Variants in UVRAG observed in about 807,000 individuals in gnomAD.
The protein encoded by UVRAG is UV radiation resistance-associated gene protein.
Under a neutral mutation model 78.0 loss-of-function variants are expected in UVRAG, and 19 were observed. The observed-to-expected ratio is 0.24, with a 90% confidence interval of 0.17 to 0.36. The LOEUF (loss-of-function observed/expected upper bound fraction) is 0.36. Ranked by LOEUF, UVRAG falls within the 10% of genes least tolerant of loss-of-function variation. The pLI is 1.00. For missense variants in UVRAG, 740 were observed against 853.8 expected (o/e 0.87, Z 1.66); for synonymous variants, 323 against 324.6 (o/e 1.00, Z 0.05).
intron 3 of UVRAG, among the ~76,000 whole-genome samples, chr11:75,867,095 G>A (rs1337592216): frequency 2.6e-5 from 4 of 152,144 alleles, no homozygotes; most frequent in African/African-American, 7.2e-5. Context: ...ACAGATATTT[G>A]CTTCTCTAAT....
chr11:76,069,170 A>G (rs1951253848), intron 13 of UVRAG, among the ~76,000 whole-genome samples: 1 of 152,232 alleles, frequency 6.6e-6, no homozygotes, highest in South Asian at 2.1e-4. Flanking sequence ...GGATCAGTCC[A>G]GCCCAAGTTT....
chr11:75,968,992 A>G (rs921754920), intron 7 of UVRAG, among the ~76,000 whole-genome samples: 3 of 152,144 alleles, frequency 2.0e-5, no homozygotes, highest in Non-Finnish European at 2.9e-5. Context: ...TTTTGTGGTA[A>G]AATACATATA....
chr11:76,143,441 G>A lies in UVRAG; in HGVS notation c.*2028G>A, dbSNP rs979566474. Among the ~76,000 whole-genome samples, 3 of 152,200 alleles carry A rather than the reference G, an allele frequency of 2.0e-5. No individual in the cohort carries two copies. Among genetic ancestry groups the A allele is most frequent in the Non-Finnish European group, 2.9e-5 (2 of 68,042 alleles). Reference sequence around the variant, plus strand: ...GGTCTACCCGTCAGTGCCCCCCACCGCTGTGCAGACTCCCTGGTTGATCCT... The same window carrying A: ...GGTCTACCCGTCAGTGCCCCCCACCACTGTGCAGACTCCCTGGTTGATCCT... On this transcript the variant is annotated 3_prime_UTR_variant, in exon 15 of 15. Coordinates refer to ENST00000356136, the MANE Select transcript of UVRAG (RefSeq NM_003369.4).
chr11:76,123,392 C>T (rs1339623782), intron 14 of UVRAG, among the ~76,000 whole-genome samples: 1 of 152,142 alleles, frequency 6.6e-6, no homozygotes, highest in East Asian at 1.9e-4. Flanking sequence ...CACGTTTCAA[C>T]TTCATTGGTT....
At chr11:75,908,329 C>T (rs1947662203) in intron 5 of UVRAG, among the ~76,000 whole-genome samples, 1 of 152,136 alleles carries the variant, frequency 6.6e-6, no homozygotes, top group South Asian at 2.1e-4. Context: ...TGTCTGTGGA[C>T]ACTTGGGTTG....
At chr11:75,912,079 T>C in intron 6 of UVRAG, 40 bp downstream of exon 6, 1 of 1,415,226 alleles carries the variant, frequency 7.1e-7, no homozygotes, top group South Asian at 1.2e-5. Context: ...CTAAAGAATC[T>C]TTCTCATTTT....
rs145200567 is a variant in UVRAG at position 75,879,557 on chromosome 11, G to GA, written c.271-321dup. On this transcript the variant is annotated intron_variant, in intron 3 of 14. Transcript: ENST00000356136. Reference sequence around the variant, plus strand: ...TCCAACAGTAAGTTGGAGCCTCTTTGAGGGCATTGTTTATGTGTTGGCTGT... The same window carrying GA: ...TCCAACAGTAAGTTGGAGCCTCTTTGAAGGGCATTGTTTATGTGTTGGCTGT... Among the ~76,000 whole-genome samples the GA allele has an allele frequency of 5.0e-3, 759 of 152,318 alleles. 6 individuals carry two copies. The highest frequency in any genetic ancestry group is 0.017 in the African/African-American group (715 of 41,558).
chr11:75,818,128 T>A (rs538144911), intron 1 of UVRAG, among the ~76,000 whole-genome samples: 2 of 151,920 alleles, frequency 1.3e-5, no homozygotes, highest in East Asian at 3.9e-4. Context: ...ATCCTGGAAG[T>A]CCTCCTATGT....
chr11:75,937,047 A>G (rs1211132438), intron 6 of UVRAG, among the ~76,000 whole-genome samples: 1 of 152,178 alleles, frequency 6.6e-6, no homozygotes, highest in Non-Finnish European at 1.5e-5. Context: ...GCTCCAGTTA[A>G]TTAACTTTTA....
chr11:75,815,248 G>T lies in UVRAG; in HGVS notation c.-160G>T, dbSNP rs564606382. 12 of 450,928 alleles carry T rather than the reference G, an allele frequency of 2.7e-5. No individual in the cohort carries two copies. The highest frequency in any genetic ancestry group is 1.6e-4 in the African/African-American group (8 of 48,628). The allele number at this position is 450,928 out of a possible 1,614,324, so 27.9% of individuals were successfully genotyped here. ...TTCCTTAGCCAGCGGCGGCAACGGCGGCAGCGGCGGCAGCGGCGGCGGCTA... is the reference window on the plus strand; with the variant it reads ...TTCCTTAGCCAGCGGCGGCAACGGCTGCAGCGGCGGCAGCGGCGGCGGCTA... On this transcript the variant is annotated 5_prime_UTR_variant, in exon 1 of 15. Coordinates refer to ENST00000356136, the MANE Select transcript of UVRAG (RefSeq NM_003369.4).
intron 12 of UVRAG, among the ~76,000 whole-genome samples, chr11:76,036,984 T>C (rs1257584214): frequency 6.6e-6 from 1 of 152,198 alleles, no homozygotes; most frequent in Non-Finnish European, 1.5e-5. Flanking sequence ...ACAAATTCTT[T>C]AATTATATTT....
At chr11:76,098,351 C>T (rs1286525749) in intron 13 of UVRAG, among the ~76,000 whole-genome samples, 2 of 152,096 alleles carry the variant, frequency 1.3e-5, no homozygotes, top group Non-Finnish European at 2.9e-5. Context: ...ATAATTCTGT[C>T]AAGCAGGTGT....
At chr11:76,121,255 G>C (rs371595547) in intron 14 of UVRAG, among the ~76,000 whole-genome samples, 44 of 152,242 alleles carry the variant, frequency 2.9e-4, no homozygotes, top group African/African-American at 1.0e-3. Flanking sequence ...GTTGCACAGG[G>C]CACAGCTCTC....
At chr11:76,074,238 C>T (rs1036924795) in intron 13 of UVRAG, among the ~76,000 whole-genome samples, 3 of 152,164 alleles carry the variant, frequency 2.0e-5, no homozygotes, top group African/African-American at 7.2e-5. Context: ...TGAGACTAAA[C>T]TTTTGAGAAC....
chr11:75,899,319 T>A (rs1947431454), intron 5 of UVRAG, among the ~76,000 whole-genome samples: 4 of 152,166 alleles, frequency 2.6e-5, no homozygotes, highest in Non-Finnish European at 5.9e-5. Context: ...ATTTTATTTT[T>A]AAATATTTCT....
At chr11:76,116,151 G>A (rs1315900759) in intron 14 of UVRAG, 136 bp downstream of exon 14, 3 of 835,978 alleles carry the variant, frequency 3.6e-6, no homozygotes, top group South Asian at 1.7e-5. Flanking sequence ...AATGAAAGGC[G>A]CCATCACAGT....
chr11:75,992,085 G>T (rs994716543), intron 8 of UVRAG, among the ~76,000 whole-genome samples: 2 of 152,072 alleles, frequency 1.3e-5, no homozygotes, highest in African/African-American at 2.4e-5. Flanking sequence ...TACCCAGTTT[G>T]CAGATGAGGA....
At chr11:75,972,991 A>G (rs532773706) in intron 7 of UVRAG, among the ~76,000 whole-genome samples, 1 of 152,076 alleles carries the variant, frequency 6.6e-6, no homozygotes, top group Non-Finnish European at 1.5e-5. Flanking sequence ...AGCCAAAGAC[A>G]GTTTTATTTC....
chr11:76,022,036 A>G (rs1218565672), intron 12 of UVRAG, among the ~76,000 whole-genome samples: 2 of 152,216 alleles, frequency 1.3e-5, no homozygotes, highest in Non-Finnish European at 2.9e-5. Context: ...CCTGGGTGAC[A>G]GAGCAAGACC....
Sources: allele counts gnomAD v4.1 joint callset (sites outside exome capture counted in the v4.1 genomes callset), GRCh38; gene constraint gnomAD v4.1.1; transcripts MANE v1.5; gene names NCBI Gene and HGNC (gene_info 2026-07-23, HGNC 2026-07-21).